TJP1: variants seen among roughly 807,000 people sequenced by gnomAD.
The protein encoded by TJP1 is tight junction protein 1, also known as tight junction protein ZO-1.
TJP1 carries 43 observed loss-of-function variants against 194.2 expected under a neutral mutation model. The ratio of observed to expected loss-of-function variants is 0.22; its 90% CI spans 0.17 to 0.29. The LOEUF (loss-of-function observed/expected upper bound fraction) is 0.29. Among genes scored for constraint, TJP1 ranks in the 10% least tolerant of loss-of-function variants. The pLI is 1.00. For synonymous variants in TJP1, 801 were observed against 779.0 expected, an observed-to-expected ratio of 1.03 and a Z score of -0.47; for missense variants, 1,971 against 2,185.7, an observed-to-expected ratio of 0.90 and a Z score of 1.96.
chr15:29,753,319 T>TA (rs886093506), intron 8 of TJP1, among the ~76,000 whole-genome samples: 2 of 151,216 alleles, frequency 1.3e-5, no homozygotes, highest in East Asian at 2.0e-4. Flanking sequence ...CCGTCTCTAC[T>TA]AAAAAACACA....
intron 25 of TJP1, among the ~76,000 whole-genome samples, chr15:29,708,221 G>T (rs894334343): frequency 6.7e-6 from 1 of 149,196 alleles, no homozygotes. Flanking sequence ...AAAAAAGCAT[G>T]GGCTCAGAGG....
At chr15:29,782,194 CAGG>C (rs541091625) in intron 2 of TJP1, among the ~76,000 whole-genome samples, 54 of 152,212 alleles carry the variant, frequency 3.5e-4, no homozygotes, top group African/African-American at 1.2e-3. Context: ...AGAGCCAAAT[CAGG>C]AATGCAATTC....
At position 29,863,677 on chromosome 15, in the gene TJP1, G is replaced by A. The variant is rs575251878; in HGVS notation, c.307-62975C>T. On this transcript the variant is annotated intron_variant, in intron 2 of 28. Coordinates refer to the TJP1 transcript ENST00000356107. ...AGGCAGTGATGATGTAGACAGAGAA[G>A]AGCACATGTACTCTCAGCACAATTT... Among the ~76,000 whole-genome samples, 3 of 152,250 alleles carry A rather than the reference G, an allele frequency of 2.0e-5. No homozygotes were observed. The South Asian group carries it at 6.2e-4, about 32-fold the overall frequency.
intron 2 of TJP1, among the ~76,000 whole-genome samples, chr15:29,952,473 C>T (rs1298540524): frequency 1.3e-5 from 2 of 152,078 alleles, no homozygotes; most frequent in African/African-American, 4.8e-5. Flanking sequence ...TGGCATCATT[C>T]TGATGATGCC....
Position 29,964,553 on chromosome 15 carries a change from G to A in TJP1, c.173+4114C>T, listed in dbSNP as rs187307247. 5.9e-5 allele frequency among the ~76,000 whole-genome samples: 9 copies of A among 152,236 alleles called. No homozygotes were observed. In the East Asian group the frequency reaches 1.7e-3, roughly 29 times the overall value. The stretch of plus-strand genomic sequence containing the variant: ...AAGGATCCTCCCCTACAGCATTTGA[G>A]GGAGTGTGACCCTGCCAACACCTTG... On this transcript the variant is annotated intron_variant, in intron 1 of 28. Transcript: ENST00000356107.
Position 29,784,132 on chromosome 15 carries a change from CA to C in TJP1, c.85-10776del, listed in dbSNP as rs35728252. ...GGAAGAGAAAAATTAGTTTAAAAAA[CA>C]AAAAAAACTTCGCTGATACTATTTT... On this transcript the variant is annotated intron_variant, in intron 2 of 27. Coordinates refer to ENST00000614355, the MANE Select transcript of TJP1 (RefSeq NM_001330239.4). Among the ~76,000 whole-genome samples the C allele has an allele frequency of 5.0e-3, 751 of 151,280 alleles. 6 individuals carry two copies. The highest frequency in any genetic ancestry group is 0.017 in the African/African-American group (697 of 41,302).
intron 2 of TJP1, among the ~76,000 whole-genome samples, chr15:29,790,777 C>T (rs1344014538): frequency 6.7e-6 from 1 of 148,788 alleles, no homozygotes; most frequent in African/African-American, 2.5e-5. Flanking sequence ...TTAGTTCCCA[C>T]GAGTGAGAAA....
intron 8 of TJP1, among the ~76,000 whole-genome samples, 169 bp downstream of exon 8, chr15:29,760,970 G>C (rs207475366): frequency 6.6e-6 from 1 of 152,162 alleles, no homozygotes; most frequent in Non-Finnish European, 1.5e-5. Context: ...CCCTTTAAGG[G>C]AAAGTTTGCG....
chr15:29,949,658 ACCTCC>A (rs2055543948), intron 2 of TJP1, among the ~76,000 whole-genome samples: 1 of 104,852 alleles, frequency 9.5e-6, no homozygotes, highest in Non-Finnish European at 2.0e-5. Context: ...CACCACCTCC[ACCTCC>A]ACAACCACCA....
chr15:29,753,352 C>T (rs2045415651), intron 8 of TJP1, among the ~76,000 whole-genome samples: 2 of 151,656 alleles, frequency 1.3e-5, no homozygotes, highest in Admixed American at 6.6e-5. Context: ...GGCGTGGTGG[C>T]GGGTGCCTGT....
intron 1 of TJP1, among the ~76,000 whole-genome samples, chr15:29,809,761 C>A (rs1331362040): frequency 1.3e-5 from 2 of 151,842 alleles, no homozygotes; most frequent in Non-Finnish European, 2.9e-5. Flanking sequence ...CAGGAGAATC[C>A]CTTGAACCAG....
In TJP1 at chr15:29,847,629, CAAA is replaced by C. The variant is rs572134394; in HGVS notation, c.307-46930_307-46928del. Among the ~76,000 whole-genome samples the C allele has an allele frequency of 1.1e-4, 17 of 151,952 alleles. 1 individual carries two copies. In the South Asian group the frequency reaches 3.3e-3, roughly 30 times the overall value. On this transcript the variant is annotated intron_variant, in intron 2 of 28. Coordinates refer to the TJP1 transcript ENST00000356107. ...TGAAATCTCATCTCTACTAAAAATA[CAAA>C]AAATTAGCCGGGCGAGGTGGTGCGT...
At chr15:29,880,738 C>T (rs1382557208) in intron 2 of TJP1, among the ~76,000 whole-genome samples, 1 of 152,176 alleles carries the variant, frequency 6.6e-6, no homozygotes, top group Non-Finnish European at 1.5e-5. Flanking sequence ...ATAATGTCCT[C>T]CAGGTTCATC....
intron 1 of TJP1, among the ~76,000 whole-genome samples, chr15:29,815,557 G>T (rs1438155421): frequency 6.6e-6 from 1 of 152,192 alleles, no homozygotes; most frequent in Non-Finnish European, 1.5e-5. Context: ...TGCTGAGCAC[G>T]TGAATGCTTT....
At chr15:29,829,718 G>A (rs1188425615) in intron 2 of TJP1, among the ~76,000 whole-genome samples, 1 of 151,700 alleles carries the variant, frequency 6.6e-6, no homozygotes, top group Non-Finnish European at 1.5e-5. Context: ...CAATGTGTGT[G>A]TTATAAAACC....
intron 15 of TJP1, 180 bp downstream of exon 15, chr15:29,732,253 A>G: frequency 5.0e-6 from 3 of 597,572 alleles, no homozygotes; most frequent in Non-Finnish European, 8.8e-6. Context: ...TTCTCATTAA[A>G]AGAATTGGTG....
intron 2 of TJP1, among the ~76,000 whole-genome samples, chr15:29,937,495 G>A (rs987677422): frequency 6.6e-6 from 1 of 152,100 alleles, no homozygotes; most frequent in Non-Finnish European, 1.5e-5. Flanking sequence ...GGGGAAAAAG[G>A]CATGCTAAAA....
chr15:29,892,116 C>A (rs994728274), intron 2 of TJP1, among the ~76,000 whole-genome samples: 3 of 152,196 alleles, frequency 2.0e-5, no homozygotes, highest in Non-Finnish European at 4.4e-5. Context: ...GATAAGAATG[C>A]AAAACAGCCT....
At chr15:29,709,737 A>G (rs780997076) in intron 24 of TJP1, among the ~76,000 whole-genome samples, 1 of 152,218 alleles carries the variant, frequency 6.6e-6, no homozygotes, top group Non-Finnish European at 1.5e-5. Flanking sequence ...CTAACATTCT[A>G]AAGGATAAAA....
Sources: allele counts gnomAD v4.1 joint callset (sites outside exome capture counted in the v4.1 genomes callset), GRCh38; gene constraint gnomAD v4.1.1; transcripts MANE v1.5; gene names NCBI Gene and HGNC (gene_info 2026-07-23, HGNC 2026-07-21).